SUGCT: variants seen among roughly 807,000 people sequenced by gnomAD.
The protein encoded by SUGCT is succinyl-CoA:glutarate CoA-transferase.
A neutral mutation model predicts 55.0 loss-of-function variants in SUGCT; 41 were observed. The ratio of observed to expected loss-of-function variants is 0.74; its 90% CI spans 0.58 to 0.97. SUGCT has a LOEUF of 0.97. SUGCT is among the 50% of genes least tolerant of loss of function. The pLI is 0.00. For synonymous variants in SUGCT, 187 were observed against 200.4 expected, an observed-to-expected ratio of 0.93 and a Z score of 0.56; for missense variants, 568 against 547.8, an observed-to-expected ratio of 1.04 and a Z score of -0.37.
chr7:40,156,944 G>T (rs1332235366), intron 1 of SUGCT, among the ~76,000 whole-genome samples: 1 of 150,452 alleles, frequency 6.6e-6, no homozygotes, highest in East Asian at 2.0e-4. Context: ...GAACTCGGGA[G>T]GCAGAGCTTG....
At chr7:40,150,390 C>T (rs768997700) in intron 1 of SUGCT, among the ~76,000 whole-genome samples, 3 of 152,152 alleles carry the variant, frequency 2.0e-5, no homozygotes, top group Non-Finnish European at 2.9e-5. Flanking sequence ...CTCGCTGGGC[C>T]GGGCACGGTG....
intron 13 of SUGCT, among the ~76,000 whole-genome samples, chr7:40,785,613 T>C (rs988019800): frequency 2.0e-5 from 3 of 152,188 alleles, no homozygotes; most frequent in Non-Finnish European, 4.4e-5. Flanking sequence ...CCCCTCACTT[T>C]TTCTTTTATT....
chr7:40,158,810 G>A (rs1562803352), intron 1 of SUGCT, among the ~76,000 whole-genome samples: 1 of 152,046 alleles, frequency 6.6e-6, no homozygotes, highest in Non-Finnish European at 1.5e-5. Flanking sequence ...TATGTCCCTA[G>A]CATTTACATA....
intron 13 of SUGCT, among the ~76,000 whole-genome samples, chr7:40,821,975 A>G (rs1199261850): frequency 6.6e-6 from 1 of 152,078 alleles, no homozygotes; most frequent in Admixed American, 6.6e-5. Context: ...CTGTGTTCTC[A>G]TTGGTTTCAA....
intron 12 of SUGCT, among the ~76,000 whole-genome samples, chr7:40,728,086 G>A (rs1040444544): frequency 2.0e-5 from 3 of 152,062 alleles, no homozygotes; most frequent in African/African-American, 7.2e-5. Flanking sequence ...AAGAATATTA[G>A]GATTGTTTAG....
At chr7:40,748,530 T>G (rs889928862) in intron 12 of SUGCT, among the ~76,000 whole-genome samples, 1 of 151,824 alleles carries the variant, frequency 6.6e-6, no homozygotes, top group African/African-American at 2.4e-5. Context: ...GTTTGTTTAG[T>G]TTTTTTATGA....
chr7:40,638,294 A>G (rs1800108961), intron 12 of SUGCT, among the ~76,000 whole-genome samples: 1 of 152,176 alleles, frequency 6.6e-6, no homozygotes. Flanking sequence ...TTAAAAATTG[A>G]GCAGATTCAA....
the SUGCT span, among the ~76,000 whole-genome samples, chr7:40,981,671 TCTC>T: frequency 6.6e-6 from 1 of 152,192 alleles, no homozygotes; most frequent in Non-Finnish European, 1.5e-5. Context: ...GGATTGGAAA[TCTC>T]CTCAGCTAAA....
intron 1 of SUGCT, among the ~76,000 whole-genome samples, chr7:40,137,250 C>G (rs1427076313): frequency 6.6e-6 from 1 of 152,124 alleles, no homozygotes; most frequent in African/African-American, 2.4e-5. Flanking sequence ...ACGTCAGTCT[C>G]CCAAGTAGCT....
intron 12 of SUGCT, among the ~76,000 whole-genome samples, chr7:40,683,375 C>T (rs559439225): frequency 1.6e-4 from 24 of 152,290 alleles, no homozygotes; most frequent in Admixed American, 1.4e-3. Context: ...CTCAAGACCA[C>T]CCCCTTCCTT....
chr7:40,687,866 A>G (rs548492584), intron 12 of SUGCT, among the ~76,000 whole-genome samples: 67 of 152,340 alleles, frequency 4.4e-4, no homozygotes, highest in African/African-American at 1.6e-3. Context: ...TGAGTGAGCA[A>G]GCTTGAAGCA....
chr7:40,152,025 A>C (rs1788602444), intron 1 of SUGCT, among the ~76,000 whole-genome samples: 1 of 152,156 alleles, frequency 6.6e-6, no homozygotes, highest in Non-Finnish European at 1.5e-5. Flanking sequence ...TCTGGGTGGC[A>C]CCAGCTGGTG....
intron 12 of SUGCT, among the ~76,000 whole-genome samples, chr7:40,716,866 G>GA (rs1421999784): frequency 2.6e-5 from 4 of 151,732 alleles, no homozygotes; most frequent in Admixed American, 1.3e-4. Context: ...CAATGAGAAA[G>GA]AAAAAATGCC....
intron 1 of SUGCT, among the ~76,000 whole-genome samples, chr7:40,172,234 G>A (rs1443207594): frequency 6.6e-6 from 1 of 152,190 alleles, no homozygotes; most frequent in East Asian, 1.9e-4. Flanking sequence ...GTATTGCAGT[G>A]GGGGAAGCTG....
chr7:41,000,936 C>T, the SUGCT span, among the ~76,000 whole-genome samples: 2 of 152,024 alleles, frequency 1.3e-5, no homozygotes, highest in Non-Finnish European at 2.9e-5. Context: ...AGTCATGCTA[C>T]TTACTAAGAA....
chr7:40,378,531 G>GGT (rs1402597364), intron 9 of SUGCT, among the ~76,000 whole-genome samples: 1 of 152,160 alleles, frequency 6.6e-6, no homozygotes, highest in African/African-American at 2.4e-5. Context: ...GGAGTGCAGT[G>GGT]GCACTGTCCC....
chr7:40,271,725 C>G (rs913356506), intron 7 of SUGCT, among the ~76,000 whole-genome samples: 2 of 151,992 alleles, frequency 1.3e-5, no homozygotes, highest in Non-Finnish European at 2.9e-5. Flanking sequence ...AATGTACAGC[C>G]TTTTGATGTT....
At chr7:40,457,064 C>T (rs1346109481) in intron 10 of SUGCT, among the ~76,000 whole-genome samples, 1 of 147,952 alleles carries the variant, frequency 6.8e-6, no homozygotes, top group Non-Finnish European at 1.5e-5. Flanking sequence ...TTGTTATTTT[C>T]TTTTTTTTTT....
intron 9 of SUGCT, among the ~76,000 whole-genome samples, chr7:40,446,157 T>C (rs1458870013): frequency 6.6e-6 from 1 of 152,126 alleles, no homozygotes; most frequent in African/African-American, 2.4e-5. Flanking sequence ...AAAAGATATA[T>C]TTAAATATAT....
Sources: allele counts gnomAD v4.1 joint callset (sites outside exome capture counted in the v4.1 genomes callset), GRCh38; gene constraint gnomAD v4.1.1; transcripts MANE v1.5; gene names NCBI Gene and HGNC (gene_info 2026-07-23, HGNC 2026-07-21).